CSMD1: variants seen among roughly 807,000 people sequenced by gnomAD.
CSMD1 encodes CUB and Sushi multiple domains 1.
In CSMD1, 213 loss-of-function variants were observed where a neutral mutation model predicts 417.5. That is an observed-to-expected ratio of 0.51 (90% confidence interval 0.46 to 0.57). The LOEUF is 0.57. Ranked by LOEUF, CSMD1 falls within the 20% of genes least tolerant of loss-of-function variation. The pLI, the probability that CSMD1 is intolerant of heterozygous loss-of-function variation, is 0.00. For missense variants in CSMD1, 6,923 were observed against 4,529.7 expected, an observed-to-expected ratio of 1.53 and a Z score of -15.17; for synonymous variants, 2,862 against 1,736.8, an observed-to-expected ratio of 1.65 and a Z score of -16.11.
rs78261666 is a variant in CSMD1 at position 4,413,005 on chromosome 8, T to C, written c.415+6948A>G. On this transcript the variant is annotated intron_variant, in intron 3 of 69. Coordinates refer to ENST00000635120, the MANE Select transcript of CSMD1 (RefSeq NM_033225.6). ...ATCTTTTCAGTAGTTATGAGATTTT[T>C]GACAACTTGAAGTCTATACAATGTT... 3.3e-5 allele frequency among the ~76,000 whole-genome samples: 5 copies of C among 152,350 alleles called. No individual in the cohort carries two copies. The East Asian group carries it at 7.7e-4, about 23-fold the overall frequency.
At chr8:3,804,313 G>A (rs1319729416) in intron 5 of CSMD1, among the ~76,000 whole-genome samples, 1 of 152,020 alleles carries the variant, frequency 6.6e-6, no homozygotes, top group Non-Finnish European at 1.5e-5. Flanking sequence ...TTTTTGTGCT[G>A]AGACCAGTTG....
intron 4 of CSMD1, among the ~76,000 whole-genome samples, chr8:4,002,885 A>G (rs1815801494): frequency 6.6e-6 from 1 of 152,252 alleles, no homozygotes; most frequent in South Asian, 2.1e-4. Context: ...AACTTGTTAC[A>G]TTAAAATATA....
chr8:3,653,321 G>C (rs1032339762), intron 7 of CSMD1, among the ~76,000 whole-genome samples: 1 of 152,060 alleles, frequency 6.6e-6, no homozygotes, highest in African/African-American at 2.4e-5. Context: ...TTTTGTTGTT[G>C]TTGTTGTTTT....
chr8:3,810,546 A>C (rs1010212862), intron 5 of CSMD1, among the ~76,000 whole-genome samples: 1 of 152,122 alleles, frequency 6.6e-6, no homozygotes, highest in African/African-American at 2.4e-5. Flanking sequence ...TGTGGTCTGT[A>C]ATCAACCGAG....
intron 26 of CSMD1, among the ~76,000 whole-genome samples, chr8:3,257,327 A>C (rs1038823989): frequency 6.6e-6 from 1 of 152,202 alleles, no homozygotes; most frequent in African/African-American, 2.4e-5. Flanking sequence ...TCCATCTCAA[A>C]ACAAACAGAA....
At chr8:3,808,866 A>T (rs144857133) in intron 5 of CSMD1, among the ~76,000 whole-genome samples, 1 of 152,308 alleles carries the variant, frequency 6.6e-6, no homozygotes, top group East Asian at 1.9e-4. Context: ...TTAGGTCTCA[A>T]TGAGAATTCT....
At chr8:3,523,207 T>C (rs888390893) in intron 10 of CSMD1, among the ~76,000 whole-genome samples, 4 of 152,166 alleles carry the variant, frequency 2.6e-5, no homozygotes, top group Admixed American at 6.5e-5. Context: ...GTGTCCATAA[T>C]TATCCCGCAT....
intron 2 of CSMD1, among the ~76,000 whole-genome samples, chr8:4,532,676 C>A (rs1796890919): frequency 7.0e-6 from 1 of 142,710 alleles, no homozygotes; most frequent in Admixed American, 7.2e-5. Flanking sequence ...GAAGAGAAAT[C>A]CTGCACCCCC....
chr8:3,812,896 T>C (rs1435075570), intron 5 of CSMD1, among the ~76,000 whole-genome samples: 1 of 152,222 alleles, frequency 6.6e-6, no homozygotes, highest in Non-Finnish European at 1.5e-5. Context: ...GCCAGCTCTT[T>C]CGTGGCTGTG....
chr8:3,103,958 G>A (rs1815942230), intron 46 of CSMD1, among the ~76,000 whole-genome samples: 1 of 151,848 alleles, frequency 6.6e-6, no homozygotes, highest in Admixed American at 6.6e-5. Context: ...GGTCACGGTG[G>A]TCTTGAACTC....
intron 41 of CSMD1, among the ~76,000 whole-genome samples, chr8:3,133,237 G>A (rs748269862): frequency 2.6e-5 from 4 of 152,066 alleles, no homozygotes; most frequent in Non-Finnish European, 5.9e-5. Flanking sequence ...GTCCCAATGG[G>A]GCCCCTTCTT....
At chr8:4,212,785 T>C (rs1482372552) in intron 3 of CSMD1, among the ~76,000 whole-genome samples, 5 of 134,856 alleles carry the variant, frequency 3.7e-5, no homozygotes, top group African/African-American at 5.7e-5. Context: ...TTACAAGCTA[T>C]TGAACAATCT....
At chr8:3,303,779 AAATATT>A (rs1270098136) in intron 25 of CSMD1, among the ~76,000 whole-genome samples, 1 of 152,186 alleles carries the variant, frequency 6.6e-6, no homozygotes, top group African/African-American at 2.4e-5. Context: ...TCTCTTAGAG[AAATATT>A]ACCAAATAAC....
At chr8:4,312,741 G>A (rs1490847555) in intron 3 of CSMD1, among the ~76,000 whole-genome samples, 1 of 152,080 alleles carries the variant, frequency 6.6e-6, no homozygotes, top group East Asian at 1.9e-4. Context: ...AGGCGTGGTG[G>A]CAGATACCTG....
intron 16 of CSMD1, among the ~76,000 whole-genome samples, chr8:3,398,330 C>G (rs541328053): frequency 1.3e-5 from 2 of 152,208 alleles, no homozygotes; most frequent in South Asian, 4.1e-4. Flanking sequence ...AATTCACTTT[C>G]TAATATAGAT....
chr8:2,974,349 A>G (rs554721046), intron 56 of CSMD1, 102 bp downstream of exon 56: 2 of 1,130,034 alleles, frequency 1.8e-6, no homozygotes, highest in Non-Finnish European at 2.4e-6. Context: ...ATGCATAATT[A>G]TAGGGCTTTT....
intron 6 of CSMD1, among the ~76,000 whole-genome samples, chr8:3,708,710 G>C (rs1226960150): frequency 6.6e-6 from 1 of 152,160 alleles, no homozygotes; most frequent in Non-Finnish European, 1.5e-5. Flanking sequence ...CAGCATCAGT[G>C]TCGGAAGCTA....
intron 1 of CSMD1, among the ~76,000 whole-genome samples, chr8:4,752,988 G>C (rs6558909): frequency 6.6e-6 from 1 of 152,082 alleles, no homozygotes; most frequent in South Asian, 2.1e-4. Flanking sequence ...TACAATTATG[G>C]ATGGTTTGGT....
chr8:3,919,117 GA>G (rs1457990494), intron 5 of CSMD1, among the ~76,000 whole-genome samples: 6 of 142,564 alleles, frequency 4.2e-5, no homozygotes, highest in African/African-American at 1.6e-4. Flanking sequence ...TTGCTGTGCA[GA>G]AGATTCTGTG....
Sources: gnomAD v4.1 joint callset for allele counts (sites outside exome capture counted in the v4.1 genomes callset) on GRCh38, gnomAD v4.1.1 for gene constraint, MANE v1.5 for transcripts, NCBI Gene and HGNC (gene_info 2026-07-23, HGNC 2026-07-21) for gene names.